The following FRMD5 variants were observed in gnomAD, a reference collection of about 807,000 sequenced individuals.
FRMD5 encodes the protein FERM domain containing 5.
In FRMD5, 20 loss-of-function variants were observed where a neutral mutation model predicts 69.0. The observed-to-expected ratio is 0.29, with a 90% CI of 0.20 to 0.42. FRMD5 has a LOEUF of 0.42. Among genes scored for constraint, FRMD5 ranks in the 10% least tolerant of loss-of-function variants. FRMD5 has a pLI of 1.00. For synonymous variants in FRMD5, 271 were observed against 260.1 expected, an observed-to-expected ratio of 1.04 and a Z score of -0.40; for missense variants, 595 against 708.6, an observed-to-expected ratio of 0.84 and a Z score of 1.82.
chr15:44,148,421 G>A lies in FRMD5; in HGVS notation c.102+46532C>T, dbSNP rs542904917. Among the ~76,000 whole-genome samples, 42 of 152,144 alleles carry A rather than the reference G, an allele frequency of 2.8e-4. No individual in the cohort carries two copies. The South Asian group carries it at 8.3e-3, about 30-fold the overall frequency. ...CGAGTAGCTGGGACTACAGGCGCCCGCCACAACGCCCGGCTAATTTTTTGT... is the reference window on the plus strand; with the variant it reads ...CGAGTAGCTGGGACTACAGGCGCCCACCACAACGCCCGGCTAATTTTTTGT... On this transcript the variant is annotated intron_variant, in intron 1 of 13. Coordinates refer to ENST00000417257, the MANE Select transcript of FRMD5 (RefSeq NM_032892.5).
At chr15:44,117,990 A>AATTTT (rs2076893744) in intron 1 of FRMD5, among the ~76,000 whole-genome samples, 1 of 102,136 alleles carries the variant, frequency 9.8e-6, no homozygotes, top group African/African-American at 5.0e-5. Flanking sequence ...TTTCTTTTTT[A>AATTTT]CTTTTTTTTT....
At chr15:44,124,979 G>A (rs1335634313) in intron 1 of FRMD5, among the ~76,000 whole-genome samples, 1 of 151,980 alleles carries the variant, frequency 6.6e-6, no homozygotes, top group Admixed American at 6.6e-5. Context: ...AAAATCCACT[G>A]ACAAATAAGA....
At chr15:44,113,999 A>C (rs2076834886) in intron 1 of FRMD5, among the ~76,000 whole-genome samples, 1 of 152,192 alleles carries the variant, frequency 6.6e-6, no homozygotes, top group Non-Finnish European at 1.5e-5. Flanking sequence ...GTAAACATAT[A>C]ATGGATGGTA....
At chr15:44,118,287 T>C (rs1320529603) in intron 1 of FRMD5, among the ~76,000 whole-genome samples, 1 of 152,160 alleles carries the variant, frequency 6.6e-6, no homozygotes, top group African/African-American at 2.4e-5. Flanking sequence ...CTGGGTATAT[T>C]GTATTGTACA....
At chr15:43,876,422 T>A (rs2088358856) in intron 13 of FRMD5, among the ~76,000 whole-genome samples, 1 of 152,200 alleles carries the variant, frequency 6.6e-6, no homozygotes, top group Non-Finnish European at 1.5e-5. Context: ...GGCTCCCATC[T>A]GTAATCCCAG....
At chr15:44,016,887 T>C (rs377187197) in intron 1 of FRMD5, among the ~76,000 whole-genome samples, 2 of 151,282 alleles carry the variant, frequency 1.3e-5, no homozygotes, top group East Asian at 2.0e-4. Flanking sequence ...CAGGTTGGAA[T>C]GCAGTGATAA....
rs567439831 is a variant in FRMD5, at chr15:44,018,247, A to C, written c.103-93938T>G. ...AGCACTTTTGACGAAAGTTAATATA[A>C]ATGGAATACATAAACATAAACTATC... On this transcript the variant is annotated intron_variant, in intron 1 of 13. Transcript: ENST00000417257. Among the ~76,000 whole-genome samples, 8 of 152,348 alleles carry C rather than the reference A, an allele frequency of 5.3e-5. No homozygotes were observed. In the East Asian group the frequency reaches 1.5e-3, roughly 29 times the overall value.
At chr15:44,100,724 C>T (rs1165283536) in intron 1 of FRMD5, among the ~76,000 whole-genome samples, 4 of 152,208 alleles carry the variant, frequency 2.6e-5, no homozygotes, top group Non-Finnish European at 5.9e-5. Context: ...AGCTTGACTT[C>T]TGAGACTAAG....
intron 1 of FRMD5, among the ~76,000 whole-genome samples, chr15:44,188,732 T>C (rs1434454567): frequency 6.6e-6 from 1 of 152,128 alleles, no homozygotes; most frequent in Non-Finnish European, 1.5e-5. Context: ...AATTGTGACA[T>C]AGTAAAATGA....
chr15:44,058,372 G>A (rs986136488), intron 1 of FRMD5, among the ~76,000 whole-genome samples: 2 of 152,118 alleles, frequency 1.3e-5, no homozygotes, highest in African/African-American at 4.8e-5. Context: ...TGACTGCTAA[G>A]GGGCATGAGG....
chr15:43,888,134 G>A, intron 10 of FRMD5, 41 bp downstream of exon 10: 5 of 1,475,126 alleles, frequency 3.4e-6, no homozygotes, highest in Admixed American at 1.7e-5. Context: ...CTCTGACTCT[G>A]GCTCTAAGAA....
At chr15:43,985,612 C>G (rs979895370) in intron 1 of FRMD5, among the ~76,000 whole-genome samples, 50 of 152,236 alleles carry the variant, frequency 3.3e-4, no homozygotes, top group African/African-American at 1.2e-3. Flanking sequence ...CTGACTGGAC[C>G]ATATGACCAA....
At chr15:44,068,456 T>G (rs562107008) in intron 1 of FRMD5, among the ~76,000 whole-genome samples, 15 of 152,304 alleles carry the variant, frequency 9.8e-5, no homozygotes, top group Admixed American at 2.6e-4. Flanking sequence ...GGATGAATCT[T>G]TAAAACATTA....
chr15:43,968,539 G>T (rs528626251), intron 1 of FRMD5, among the ~76,000 whole-genome samples: 1 of 152,088 alleles, frequency 6.6e-6, no homozygotes, highest in Non-Finnish European at 1.5e-5. Flanking sequence ...CCTATTCTGT[G>T]TGTTTCTTTT....
chr15:44,139,123 T>C (rs953327413), intron 1 of FRMD5, among the ~76,000 whole-genome samples: 7 of 152,166 alleles, frequency 4.6e-5, no homozygotes, highest in African/African-American at 1.7e-4. Flanking sequence ...AGTATGTGTA[T>C]TGTATCTCAG....
intron 1 of FRMD5, among the ~76,000 whole-genome samples, chr15:43,987,281 G>C (rs535720605): frequency 1.3e-5 from 2 of 152,298 alleles, no homozygotes; most frequent in South Asian, 4.1e-4. Context: ...CAAAAACTAG[G>C]CATCTTGTGC....
At chr15:44,121,387 T>C (rs563964814) in intron 1 of FRMD5, among the ~76,000 whole-genome samples, 186 of 150,896 alleles carry the variant, frequency 1.2e-3, no homozygotes, top group Middle Eastern at 3.4e-3. Context: ...AGAGGGAGAA[T>C]AGAATTAAAG....
At chr15:43,959,984 C>A (rs2090171073) in intron 1 of FRMD5, among the ~76,000 whole-genome samples, 2 of 152,180 alleles carry the variant, frequency 1.3e-5, no homozygotes, top group Admixed American at 1.3e-4. Flanking sequence ...ATGGTGCGAT[C>A]TCGGCTCAAC....
At chr15:43,936,273 G>A (rs1215095854) in intron 1 of FRMD5, among the ~76,000 whole-genome samples, 3 of 152,166 alleles carry the variant, frequency 2.0e-5, no homozygotes, top group Admixed American at 1.3e-4. Flanking sequence ...GCTCACTGTA[G>A]CCTTGACCTC....
Sources: gnomAD v4.1 joint callset for allele counts (sites outside exome capture counted in the v4.1 genomes callset) on GRCh38, gnomAD v4.1.1 for gene constraint, MANE v1.5 for transcripts, NCBI Gene and HGNC (gene_info 2026-07-23, HGNC 2026-07-21) for gene names.